Variants in ADAMTS17 observed in about 807,000 individuals in gnomAD.
ADAMTS17 encodes A disintegrin and metalloproteinase with thrombospondin motifs 17.
A neutral mutation model predicts 141.5 loss-of-function variants in ADAMTS17; 113 were observed. The observed-to-expected ratio is 0.80, with a 90% CI of 0.69 to 0.93. The LOEUF (loss-of-function observed/expected upper bound fraction) is 0.93, where lower values mean the gene tolerates loss of function less well. Among genes scored for constraint, ADAMTS17 ranks in the 40% least tolerant of loss-of-function variants. The pLI is 0.00. For missense variants in ADAMTS17, 1,659 were observed against 1,517.9 expected, an observed-to-expected ratio of 1.09 and a Z score of -1.54; for synonymous variants, 768 against 630.6, an observed-to-expected ratio of 1.22 and a Z score of -3.27.
At position 100,340,203 on chromosome 15, in the gene ADAMTS17, G is replaced by C. The variant is rs143275713; in HGVS notation, c.450+836C>G. ...CGATGGAGAAGCTGAGTGCTCGTCT[G>C]GGCGCCAGTGTAGCCACATGATCAA... On this transcript the variant is annotated intron_variant, in intron 2 of 21. Transcript: ENST00000268070. Among the ~76,000 whole-genome samples the C allele has an allele frequency of 3.0e-3, 457 of 152,348 alleles. 3 individuals carry two copies. Among genetic ancestry groups the C allele is most frequent in the Non-Finnish European group, 5.6e-3 (378 of 68,024 alleles).
chr15:100,003,845 G>T (rs994992621), intron 18 of ADAMTS17, among the ~76,000 whole-genome samples: 1 of 151,344 alleles, frequency 6.6e-6, no homozygotes, highest in African/African-American at 2.5e-5. Context: ...GTAGAATGAT[G>T]GTTGCCAGGA....
chr15:100,096,128 GGGGA>G (rs2035741731), intron 15 of ADAMTS17, among the ~76,000 whole-genome samples: 1 of 152,230 alleles, frequency 6.6e-6, no homozygotes, highest in Non-Finnish European at 1.5e-5. Context: ...CAGGCTAAGT[GGGGA>G]GCTGTTTCCG....
intron 20 of ADAMTS17, 58 bp downstream of exon 20, chr15:99,992,990 C>T (rs1312668752): frequency 2.1e-5 from 33 of 1,608,694 alleles, no homozygotes; most frequent in African/African-American, 4.0e-5. Context: ...GCTGAGTTCC[C>T]GACCCTCGAG....
chr15:99,976,117 G>T lies in ADAMTS17; in HGVS notation c.3055C>A (p.Pro1019Thr). 1 of 1,551,486 alleles carries T rather than the reference G, an allele frequency of 6.4e-7. No homozygotes were observed. The change falls in exon 21 of 22, where the codon CCC becomes ACC. Residue 1019 changes from proline to threonine, a missense_variant. Pro to Thr is a conservative substitution (Grantham distance 38). Transcript: ENST00000268070. ...ACCTCCTGGTAGCACTGTCTGTAGG[G>T]GGCAGGCTTCGAGAGGGCGGGGCAC... ...SECPALSKPA[P>T]YRQCYQEVCN...
chr15:100,066,500 C>T (rs1405417145), intron 15 of ADAMTS17, among the ~76,000 whole-genome samples: 1 of 151,484 alleles, frequency 6.6e-6, no homozygotes, highest in African/African-American at 2.4e-5. Flanking sequence ...ATCTTTTTTT[C>T]TTCCTTAAAT....
intron 8 of ADAMTS17, among the ~76,000 whole-genome samples, chr15:100,192,026 T>C (rs1050933843): frequency 6.6e-6 from 1 of 152,194 alleles, no homozygotes; most frequent in African/African-American, 2.4e-5. Context: ...ACCTACTATA[T>C]ACCCATAAAA....
intron 15 of ADAMTS17, among the ~76,000 whole-genome samples, chr15:100,060,183 G>A (rs556594798): frequency 5.9e-5 from 9 of 152,278 alleles, no homozygotes; most frequent in South Asian, 4.1e-4. Context: ...TGCTCATTTC[G>A]CCTGGGCCAG....
Position 100,158,262 on chromosome 15 carries a change from C to T in ADAMTS17, c.1182-2942G>A, listed in dbSNP as rs907250310. Among the ~76,000 whole-genome samples the T allele has an allele frequency of 7.9e-5, 12 of 152,248 alleles. No individual in the cohort carries two copies. In the South Asian group the frequency reaches 2.5e-3, roughly 32 times the overall value. On this transcript the variant is annotated intron_variant, in intron 8 of 21. Coordinates refer to ENST00000268070, the MANE Select transcript of ADAMTS17 (RefSeq NM_139057.4). ...TTTTACTTTACTTTTGGGTGAGCAACAGAAAATGTTTACTTATACACAAGT... is the reference window on the plus strand; with the variant it reads ...TTTTACTTTACTTTTGGGTGAGCAATAGAAAATGTTTACTTATACACAAGT...
At chr15:100,184,457 C>G (rs2040633599) in intron 8 of ADAMTS17, among the ~76,000 whole-genome samples, 1 of 152,212 alleles carries the variant, frequency 6.6e-6, no homozygotes, top group Non-Finnish European at 1.5e-5. Context: ...GTTGAATAAT[C>G]TCTAGGATAT....
chr15:100,316,066 AG>A (rs2045556883), intron 3 of ADAMTS17, among the ~76,000 whole-genome samples: 1 of 152,258 alleles, frequency 6.6e-6, no homozygotes, highest in East Asian at 1.9e-4. Context: ...TTGTTCATGC[AG>A]GAAGAAATTT....
chr15:100,321,319 G>A (rs2045727232), intron 3 of ADAMTS17, among the ~76,000 whole-genome samples: 1 of 151,710 alleles, frequency 6.6e-6, no homozygotes, highest in African/African-American at 2.4e-5. Flanking sequence ...GAAAAAGCAT[G>A]GTATAGTAAA....
At chr15:100,119,638 T>A (rs1195151159) in intron 12 of ADAMTS17, among the ~76,000 whole-genome samples, 2 of 152,184 alleles carry the variant, frequency 1.3e-5, no homozygotes, top group African/African-American at 2.4e-5. Flanking sequence ...AGAGGAGATA[T>A]GATGTGATAT....
intron 15 of ADAMTS17, among the ~76,000 whole-genome samples, chr15:100,078,208 AT>A (rs899455449): frequency 6.4e-4 from 94 of 146,096 alleles, no homozygotes; most frequent in African/African-American, 2.5e-3. Context: ...CTATAAAAAA[AT>A]CCCAGCTTTT....
intron 12 of ADAMTS17, chr15:100,129,150 T>G (rs1200937219): frequency 6.6e-6 from 1 of 152,218 alleles, no homozygotes; most frequent in Non-Finnish European, 1.5e-5. Flanking sequence ...GTTTACTGGG[T>G]GTCACCTGTT....
intron 15 of ADAMTS17, among the ~76,000 whole-genome samples, chr15:100,062,449 A>G (rs114917181): frequency 0.022 from 3,373 of 152,272 alleles, 127 homozygotes; most frequent in African/African-American, 0.076. Flanking sequence ...CTTAGCGTCA[A>G]AGCATTTCCT....
intron 8 of ADAMTS17, among the ~76,000 whole-genome samples, chr15:100,167,724 C>T (rs57163390): frequency 0.021 from 3,181 of 152,238 alleles, 128 homozygotes; most frequent in East Asian, 0.17. Flanking sequence ...GCTACAAAAG[C>T]GCGTATGGCG....
At chr15:100,305,239 A>T (rs2141833167) in intron 3 of ADAMTS17, among the ~76,000 whole-genome samples, 1 of 152,044 alleles carries the variant, frequency 6.6e-6, no homozygotes, top group East Asian at 1.9e-4. Context: ...CATTTATTTT[A>T]AGCTTGTTTT....
In ADAMTS17 at chr15:100,278,625, G is replaced by A. The variant is rs7178287; in HGVS notation, c.789+2604C>T. Among the ~76,000 whole-genome samples the A allele has an allele frequency of 8.8e-3, 1,339 of 152,292 alleles. 20 individuals carry two copies. Among genetic ancestry groups the A allele is most frequent in the African/African-American group, 0.031 (1,277 of 41,558 alleles). On this transcript the variant is annotated intron_variant, in intron 4 of 21. Transcript: ENST00000268070. ...CCCTTCAGAGCACAATAGGGGTGAG[G>A]GGCATGGCGGAGATAGAGGGAGTTT...
At chr15:100,341,779 C>T (rs1471176846) in intron 1 of ADAMTS17, 42 bp downstream of exon 1, 4 of 1,542,092 alleles carry the variant, frequency 2.6e-6, no homozygotes, top group Non-Finnish European at 3.5e-6. Flanking sequence ...GGAAGGTAGC[C>T]GCAGGACGCG....
Sources: gnomAD v4.1 joint callset for allele counts (sites outside exome capture counted in the v4.1 genomes callset) on GRCh38, gnomAD v4.1.1 for gene constraint, MANE v1.5 for transcripts, NCBI Gene and HGNC (gene_info 2026-07-23, HGNC 2026-07-21) for gene names.